GTSE1: variants seen among roughly 807,000 people sequenced by gnomAD.
GTSE1 encodes the protein G2 and S-phase expressed 1, also known as G2 and S phase-expressed protein 1.
Under a neutral mutation model 60.5 loss-of-function variants are expected in GTSE1, and 52 were observed. The ratio of observed to expected loss-of-function variants is 0.86; its 90% CI spans 0.69 to 1.08. The LOEUF (loss-of-function observed/expected upper bound fraction) is 1.08, where lower values mean the gene tolerates loss of function less well. GTSE1 is among the 50% of genes least tolerant of loss of function. The pLI, the probability that GTSE1 is intolerant of heterozygous loss-of-function variation, is 0.00. For missense variants in GTSE1, 937 were observed against 961.8 expected, an observed-to-expected ratio of 0.97 and a Z score of 0.34; for synonymous variants, 368 against 386.5, an observed-to-expected ratio of 0.95 and a Z score of 0.56.
Position 46,308,319 on chromosome 22 carries a change from T to A in GTSE1, c.138T>A (p.Ser46Arg), listed in dbSNP as rs981695961. 3.1e-6 allele frequency: 5 copies of A among 1,612,238 alleles called. No individual in the cohort carries two copies. Among genetic ancestry groups the A allele is most frequent in the Non-Finnish European group, 3.4e-6 (4 of 1,178,622 alleles). Residue 46 changes from serine (S) to arginine (R), a missense_variant and splice_region_variant, in exon 4 of 12, where the codon AGT (serine) becomes AGA (arginine). Physicochemically the swap from Ser to Arg is moderately radical, Grantham distance 110 (BLOSUM62 -1). Coordinates refer to ENST00000454366, the MANE Select transcript of GTSE1 (RefSeq NM_016426.7). Reference protein sequence around the residue: ...FDFDLSLSSSSANEDDEVFFG... With the variant: ...FDFDLSLSSSRANEDDEVFFG... Reference sequence around the variant, plus strand: ...AATCATTCTTTTTTTAAACAAATAGTGCAAATGAAGATGATGAAGTCTTCT... The same window carrying A: ...AATCATTCTTTTTTTAAACAAATAGAGCAAATGAAGATGATGAAGTCTTCT...
chr22:46,313,040 G>A lies in GTSE1; in HGVS notation c.927+735G>A, dbSNP rs1394353881. Among the ~76,000 whole-genome samples the A allele has an allele frequency of 6.6e-6, 1 of 151,642 alleles. No homozygotes were observed. The highest frequency in any genetic ancestry group is 2.4e-5 in the African/African-American group (1 of 41,248). ...CAGCCAGGCATGGTGGTGCATGCCT[G>A]TGGTCCCAGCTATTTGGGAGGTTGA... On this transcript the variant is annotated intron_variant, in intron 5 of 11. Transcript: ENST00000454366. This position sits in a 1 kb window ranked among gnomAD's most constrained non-coding sequence, Gnocchi z 4.4.
rs201875180 is a variant in GTSE1 at position 46,328,682 on chromosome 22, C to T, written c.1725-6C>T. The T allele has an allele frequency of 4.4e-6, 7 of 1,605,492 alleles. No individual in the cohort carries two copies. The highest frequency in any genetic ancestry group is 6.0e-6 in the Non-Finnish European group (7 of 1,173,114). The stretch of plus-strand genomic sequence containing the variant: ...ATTTTCTCATAAGTTTTTTTCCTTC[C>T]CACAGAACTGAACCAACAAGGGAGA... On this transcript the variant is annotated splice_polypyrimidine_tract_variant and splice_region_variant and intron_variant, in intron 9 of 11. Transcript: ENST00000454366.
chr22:46,305,453 C>CA (rs2077710367), intron 2 of GTSE1, among the ~76,000 whole-genome samples: 1 of 151,706 alleles, frequency 6.6e-6, no homozygotes, highest in African/African-American at 2.4e-5. Flanking sequence ...ACTAGAAATA[C>CA]AAAAAATTAG....
At position 46,319,264 on chromosome 22, in the gene GTSE1, C is replaced by T. The variant is rs531092830; in HGVS notation, c.1432+2852C>T. Reference sequence around the variant, plus strand: ...GCAGGAGGACGTGCATAGGAGAGATCAGAGCAGAGCGACTTGACCTTCAGA... The same window carrying T: ...GCAGGAGGACGTGCATAGGAGAGATTAGAGCAGAGCGACTTGACCTTCAGA... On this transcript the variant is annotated intron_variant, in intron 7 of 11. Transcript: ENST00000454366. The surrounding 1 kb of genome is among the most constrained non-coding windows in gnomAD (Gnocchi z 5.0). Among the ~76,000 whole-genome samples, 15 of 152,134 alleles carry T rather than the reference C, an allele frequency of 9.9e-5. No individual in the cohort carries two copies. The highest frequency in any genetic ancestry group is 1.9e-4 in the Non-Finnish European group (13 of 68,034).
chr22:46,323,120 G>T, intron 7 of GTSE1, 70 bp from the exon 8 acceptor site: 1 of 996,072 alleles, frequency 1.0e-6, no homozygotes, highest in South Asian at 1.3e-5. Flanking sequence ...CCCATTCGGT[G>T]ACGATCCCCC....
At chr22:46,303,573 T>G (rs969051529) in intron 2 of GTSE1, among the ~76,000 whole-genome samples, 3 of 152,228 alleles carry the variant, frequency 2.0e-5, no homozygotes, top group African/African-American at 7.2e-5. Flanking sequence ...TGTTAAGAAT[T>G]GTGCTTGGAG....
chr22:46,300,537 C>T (rs906644147), intron 2 of GTSE1, among the ~76,000 whole-genome samples: 10 of 152,222 alleles, frequency 6.6e-5, no homozygotes, highest in South Asian at 2.1e-4. Context: ...ACTTCTGACC[C>T]GTTCCTCTCA....
At chr22:46,299,909 C>A (rs2077679730) in intron 2 of GTSE1, among the ~76,000 whole-genome samples, 1 of 150,236 alleles carries the variant, frequency 6.7e-6, no homozygotes, top group African/African-American at 2.5e-5. Context: ...TCTCCTGCCT[C>A]AGCCTCCTGA....
In GTSE1 at chr22:46,323,245, G is replaced by A. The variant is rs146608263; in HGVS notation, c.1488G>A (p.Ser496=). The A allele has an allele frequency of 9.7e-5, 156 of 1,613,470 alleles. No homozygotes were observed. The African/African-American group carries it at 1.2e-3, about 12-fold the overall frequency. Residue 496 remains serine (S), a synonymous_variant, in exon 8 of 12, where the codon TCG becomes TCA. Transcript: ENST00000454366. ...TTTCGCGGGCACAGCGGCCGCAGTC[G>A]TGCACGTCAGTTGGCAGGTGAGTGA... The part of the protein sequence containing the change: ...PKLSRAQRPQ[S]CTSVGRVTVH...
intron 6 of GTSE1, among the ~76,000 whole-genome samples, chr22:46,315,184 A>G (rs1354879890): frequency 6.9e-6 from 1 of 143,982 alleles, no homozygotes. Flanking sequence ...TCAGCCTCCC[A>G]AGTAGCTGGG....
chr22:46,306,401 T>C (rs2077715505), intron 2 of GTSE1, among the ~76,000 whole-genome samples: 1 of 152,132 alleles, frequency 6.6e-6, no homozygotes, highest in African/African-American at 2.4e-5. Flanking sequence ...CAGGATGGTC[T>C]TGATCTCCTG....
intron 7 of GTSE1, among the ~76,000 whole-genome samples, chr22:46,322,254 A>G (rs1399833813): frequency 2.0e-5 from 3 of 152,064 alleles, no homozygotes; most frequent in Non-Finnish European, 4.4e-5. Flanking sequence ...TGCTGTTGCC[A>G]GAGAGAGGGG....
chr22:46,325,251 C>T (rs1401566724), intron 8 of GTSE1, among the ~76,000 whole-genome samples: 1 of 152,182 alleles, frequency 6.6e-6, no homozygotes, highest in Non-Finnish European at 1.5e-5. Flanking sequence ...GGCTGGAGTG[C>T]AGTGGCGCGA....
chr22:46,322,160 G>A (rs2077817151), intron 7 of GTSE1, among the ~76,000 whole-genome samples: 1 of 152,086 alleles, frequency 6.6e-6, no homozygotes, highest in South Asian at 2.1e-4. Context: ...TTTAAAGCGG[G>A]GCAGGGACGT....
Position 46,314,529 on chromosome 22 carries a change from A to C in GTSE1, c.1051+516A>C, listed in dbSNP as rs903645356. Among the ~76,000 whole-genome samples, 1 of 151,960 alleles carries C rather than the reference A, an allele frequency of 6.6e-6. No homozygotes were observed. The highest frequency in any genetic ancestry group is 1.5e-5 in the Non-Finnish European group (1 of 67,984). On this transcript the variant is annotated intron_variant, in intron 6 of 11. Coordinates refer to ENST00000454366, the MANE Select transcript of GTSE1 (RefSeq NM_016426.7). This position sits in a 1 kb window ranked among gnomAD's most constrained non-coding sequence, Gnocchi z 7.1. ...AAATCCTCTTCGAGGTGCATTGGCC[A>C]TGTGGCGTCTCGGGGTCGTTCAGGG...
chr22:46,297,422 G>T lies in GTSE1; in HGVS notation c.22G>T (p.Asp8Tyr), dbSNP rs201868940. The change falls in exon 2 of 12, where the codon GAT becomes TAT. Residue 8 changes from aspartate to tyrosine, a missense_variant. By Grantham distance (160) the Asp-to-Tyr change is radical. Transcript: ENST00000454366. The surrounding 1 kb of genome is among the most constrained non-coding windows in gnomAD (Gnocchi z 4.9). Reference sequence around the variant, plus strand: ...CTCCATGGAAGGAGGCGGCGGCCGCGATGAGCCTTCAGCCTGCCGGGCAGG... The same window carrying T: ...CTCCATGGAAGGAGGCGGCGGCCGCTATGAGCCTTCAGCCTGCCGGGCAGG... MEGGGGR[D>Y]EPSACRAGDV... 2.8e-3 allele frequency: 4,573 copies of T among 1,613,898 alleles called. 11 individuals are homozygous for T. The highest frequency in any genetic ancestry group is 3.3e-3 in the Non-Finnish European group (3,910 of 1,179,756).
rs199574371 is a variant in GTSE1, at chr22:46,316,161, C to T, written c.1181C>T (p.Ser394Phe). Residue 394 changes from serine to phenylalanine, a missense_variant, in exon 7 of 12, where the codon TCC becomes TTC. Transcript: ENST00000454366. The surrounding 1 kb of genome is among the most constrained non-coding windows in gnomAD (Gnocchi z 5.0). ...CCTGCAGGCCCTGTGGGGGCATCCT[C>T]CTGGCAGGCCAAGCGGGTCGATGTT... ...ALPAGPVGASSWQAKRVDVSE... is the reference protein window; with the variant it reads ...ALPAGPVGASFWQAKRVDVSE... The T allele has an allele frequency of 3.4e-4, 541 of 1,612,600 alleles. No individual in the cohort carries two copies. Among genetic ancestry groups the T allele is most frequent in the Middle Eastern group, 6.6e-4 (4 of 6,054 alleles).
rs1555893319 is a variant in GTSE1 at position 46,330,173 on chromosome 22, G to A, written c.*43G>A. 4 of 1,192,176 alleles carry A rather than the reference G, an allele frequency of 3.4e-6. No homozygotes were observed. In the South Asian group the frequency reaches 3.6e-5, roughly 11 times the overall value. The allele number at this position is 1,192,176 out of a possible 1,614,324, so 73.8% of individuals were successfully genotyped here. A position where few individuals can be genotyped will look rare whatever the true frequency, so the allele number is the denominator to read the frequency against. On this transcript the variant is annotated 3_prime_UTR_variant, in exon 12 of 12. Coordinates refer to ENST00000454366, the MANE Select transcript of GTSE1 (RefSeq NM_016426.7). This position sits in a 1 kb window ranked among gnomAD's most constrained non-coding sequence, Gnocchi z 6.0. ...GCCTTGAAAGAACAGCCCTAAAGTG[G>A]TTTTCAACCCTCAGAAACAAGCTTT...
At chr22:46,311,899 G>A (rs1449564036) in intron 4 of GTSE1, among the ~76,000 whole-genome samples, 3 of 152,182 alleles carry the variant, frequency 2.0e-5, no homozygotes, top group Non-Finnish European at 4.4e-5. Context: ...TTAATGATCT[G>A]TGTAGGTATC....
Sources: gnomAD v4.1 joint callset for allele counts (sites outside exome capture counted in the v4.1 genomes callset) on GRCh38, gnomAD v4.1.1 for gene constraint, Gnocchi (gnomAD v3.1) non-coding constraint, MANE v1.5 for transcripts, NCBI Gene and HGNC (gene_info 2026-07-23, HGNC 2026-07-21) for gene names.